The following RETREG1 variants were observed in gnomAD, a reference collection of about 807,000 sequenced individuals.
RETREG1 encodes family with sequence similarity 134 member B.
In RETREG1, 44 loss-of-function variants were observed where a neutral mutation model predicts 54.8. That is an observed-to-expected ratio of 0.80 (90% CI 0.63 to 1.03). The LOEUF is 1.03. Among genes scored for constraint, RETREG1 ranks in the 50% least tolerant of loss-of-function variants. The probability of loss-of-function intolerance (pLI) is 0.00; values close to 1 mark genes in which losing one functional copy is unlikely to be tolerated. For synonymous variants in RETREG1, 217 were observed against 238.5 expected (o/e 0.91, Z 0.83); for missense variants, 554 against 605.1 (o/e 0.92, Z 0.89).
At chr5:16,554,111 C>T (rs981480801) in intron 3 of RETREG1, among the ~76,000 whole-genome samples, 2 of 152,190 alleles carry the variant, frequency 1.3e-5, no homozygotes, top group Non-Finnish European at 2.9e-5. Context: ...GCCTCTGAGC[C>T]TCAAAAAGCA....
chr5:16,564,474 A>G (rs31283), intron 3 of RETREG1, among the ~76,000 whole-genome samples: 125,581 of 152,190 alleles, frequency 0.83, 51,804 homozygotes, highest in Middle Eastern at 0.87. Context: ...CAAACACATG[A>G]CTGTTTCCCT....
intron 3 of RETREG1, among the ~76,000 whole-genome samples, chr5:16,547,930 C>G (rs945961566): frequency 6.6e-6 from 1 of 152,010 alleles, no homozygotes; most frequent in African/African-American, 2.4e-5. Context: ...CAACAAAACA[C>G]TGAGGGTTAG....
intron 3 of RETREG1, chr5:16,508,914 G>T (rs1229063025): frequency 1.6e-6 from 2 of 1,233,548 alleles, no homozygotes; most frequent in Non-Finnish European, 2.0e-6. Context: ...CAGGCGGCTG[G>T]AAGTGAGCCC....
At chr5:16,524,321 G>C (rs553197115) in intron 3 of RETREG1, among the ~76,000 whole-genome samples, 1 of 152,168 alleles carries the variant, frequency 6.6e-6, no homozygotes, top group Non-Finnish European at 1.5e-5. Flanking sequence ...ATGAACAACA[G>C]CCTACCATTT....
intron 3 of RETREG1, among the ~76,000 whole-genome samples, chr5:16,507,250 C>CA (rs995034865): frequency 2.6e-5 from 4 of 152,142 alleles, no homozygotes; most frequent in Non-Finnish European, 5.9e-5. Context: ...AATAGCTTAT[C>CA]AATACATTTC....
chr5:16,608,872 G>A (rs1183621355), intron 1 of RETREG1, among the ~76,000 whole-genome samples: 1 of 152,164 alleles, frequency 6.6e-6, no homozygotes, highest in African/African-American at 2.4e-5. Flanking sequence ...AAATCATTAA[G>A]TATGATTCTG....
chr5:16,605,171 CAG>C (rs1435432751), intron 1 of RETREG1, among the ~76,000 whole-genome samples: 1 of 152,212 alleles, frequency 6.6e-6, no homozygotes, highest in Non-Finnish European at 1.5e-5. Context: ...CTAAAGCTTA[CAG>C]CCGGTCTCTG....
intron 3 of RETREG1, among the ~76,000 whole-genome samples, chr5:16,498,428 TG>T (rs1183095767): frequency 6.6e-6 from 1 of 152,156 alleles, no homozygotes; most frequent in Non-Finnish European, 1.5e-5. Flanking sequence ...TTTTAAAAAA[TG>T]GGGCCAGGCA....
intron 3 of RETREG1, among the ~76,000 whole-genome samples, chr5:16,525,225 C>T (rs1278592404): frequency 2.7e-5 from 4 of 149,378 alleles, no homozygotes. Context: ...GGTGGATTTG[C>T]GAGGGGGACA....
chr5:16,578,294 A>T (rs1319848685), intron 1 of RETREG1, among the ~76,000 whole-genome samples: 1 of 142,456 alleles, frequency 7.0e-6, no homozygotes, highest in African/African-American at 3.1e-5. Context: ...TTAATGAAAC[A>T]GTCAGACTCT....
At chr5:16,507,023 C>T (rs764066809) in intron 3 of RETREG1, among the ~76,000 whole-genome samples, 24 of 152,112 alleles carry the variant, frequency 1.6e-4, no homozygotes, top group Non-Finnish European at 2.8e-4. Context: ...TATCTGGTTA[C>T]GCCTTGTTAA....
chr5:16,555,493 G>T (rs1393379986), intron 3 of RETREG1, among the ~76,000 whole-genome samples: 1 of 152,180 alleles, frequency 6.6e-6, no homozygotes, highest in East Asian at 1.9e-4. Context: ...TGAGAAGATG[G>T]TCTGACAATA....
chr5:16,539,297 G>A (rs117335308), intron 3 of RETREG1, among the ~76,000 whole-genome samples: 43 of 152,180 alleles, frequency 2.8e-4, no homozygotes, highest in African/African-American at 9.4e-4. Flanking sequence ...GCTCTGACCC[G>A]AAGCCAGCAG....
intron 3 of RETREG1, among the ~76,000 whole-genome samples, chr5:16,558,502 T>A (rs532912710): frequency 3.3e-5 from 5 of 152,218 alleles, no homozygotes; most frequent in Non-Finnish European, 7.3e-5. Context: ...CAACAATGTA[T>A]CCTTCACAGC....
rs1742821780 is a variant in RETREG1 at position 16,593,143 on chromosome 5, C to T, written c.321-21041G>A. Reference sequence around the variant, plus strand: ...TGAACCCCTGACTCACCATCCCATGCCCAGTGGTCACACTCAGCAAGGAAA... The same window carrying T: ...TGAACCCCTGACTCACCATCCCATGTCCAGTGGTCACACTCAGCAAGGAAA... On this transcript the variant is annotated intron_variant, in intron 1 of 8. Coordinates refer to ENST00000306320, the MANE Select transcript of RETREG1 (RefSeq NM_001034850.3). This position sits in a 1 kb window ranked among gnomAD's most constrained non-coding sequence, Gnocchi z 4.9. Among the ~76,000 whole-genome samples the T allele has an allele frequency of 6.6e-6, 1 of 152,202 alleles. No individual in the cohort carries two copies. The highest frequency in any genetic ancestry group is 1.5e-5 in the Non-Finnish European group (1 of 68,042).
At chr5:16,544,477 T>TTA (rs1741336588) in intron 3 of RETREG1, among the ~76,000 whole-genome samples, 3 of 152,204 alleles carry the variant, frequency 2.0e-5, no homozygotes. Flanking sequence ...TAATATTGTA[T>TTA]CTAAGAAATC....
At position 16,571,998 on chromosome 5, in the gene RETREG1, C is replaced by T. The variant is rs995763555; in HGVS notation, c.425G>A (p.Arg142Lys). 2 of 1,606,514 alleles carry T rather than the reference C, an allele frequency of 1.2e-6. No homozygotes were observed. The highest frequency in any genetic ancestry group is 1.3e-5 in the African/African-American group (1 of 74,774). Residue 142 changes from arginine (R) to lysine (K), a missense_variant and splice_region_variant, in exon 2 of 9, where the codon AGA (arginine) becomes AAA (lysine). Around this residue, in one of 4 missense-constraint regions of RETREG1, gnomAD observed 347 missense variants for 412.3 expected, o/e 0.84. Coordinates refer to ENST00000306320, the MANE Select transcript of RETREG1 (RefSeq NM_001034850.3). ...AAATAAAATCTGAGTATTCTTACCT[C>T]TTGTTCTAGACAAAACCATATCCTT... Reference protein sequence around the residue: ...IIKDMVLSRTRGAQLWRSLSE... With the variant: ...IIKDMVLSRTKGAQLWRSLSE...
intron 3 of RETREG1, among the ~76,000 whole-genome samples, chr5:16,520,459 AG>A (rs1448765104): frequency 3.9e-5 from 6 of 152,026 alleles, no homozygotes. Context: ...CCTCCCGAGT[AG>A]CGGGGATTAC....
chr5:16,486,698 A>G (rs1739034751), intron 3 of RETREG1, among the ~76,000 whole-genome samples: 1 of 152,228 alleles, frequency 6.6e-6, no homozygotes, highest in Non-Finnish European at 1.5e-5. Flanking sequence ...TGAAGAGACC[A>G]CATGGCAATT....
Sources: gnomAD v4.1 joint callset for allele counts (sites outside exome capture counted in the v4.1 genomes callset) on GRCh38, gnomAD v4.1.1 for gene constraint, gnomAD v4.1.1 regional missense constraint, Gnocchi (gnomAD v3.1) non-coding constraint, MANE v1.5 for transcripts, NCBI Gene and HGNC (gene_info 2026-07-23, HGNC 2026-07-21) for gene names.